Variants in CIPC observed in about 807,000 individuals in gnomAD.
CIPC encodes the protein CLOCK-interacting pacemaker.
In CIPC, 12 loss-of-function variants were observed where a neutral mutation model predicts 26.7. The ratio of observed to expected loss-of-function variants is 0.45; its 90% CI spans 0.29 to 0.73. CIPC has a LOEUF of 0.73. Among genes scored for constraint, CIPC ranks in the 30% least tolerant of loss-of-function variants. The probability of loss-of-function intolerance (pLI) is 0.12; values close to 1 mark genes in which losing one functional copy is unlikely to be tolerated. For missense variants in CIPC, 417 were observed against 486.5 expected (o/e 0.86, Z 1.34); for synonymous variants, 170 against 189.8 (o/e 0.90, Z 0.86).
rs1886775248 is a variant in CIPC at position 77,114,687 on chromosome 14, A to G, written c.*369A>G. 1 of 203,880 alleles carries G rather than the reference A, an allele frequency of 4.9e-6. No homozygotes were observed. The highest frequency in any genetic ancestry group is 5.2e-5 in the Admixed American group (1 of 19,242). 12.6% of individuals were successfully genotyped at this position (203,880 alleles called of 1,614,324 possible). A position where few individuals can be genotyped will look rare whatever the true frequency, so the allele number is the denominator to read the frequency against. On this transcript the variant is annotated 3_prime_UTR_variant, in exon 4 of 4. Transcript: ENST00000361786. ...CAAGGGTACAGTAACACGAATGAGCATACAGAGCAACACCTGTTGAGCCAG... is the reference window on the plus strand; with the variant it reads ...CAAGGGTACAGTAACACGAATGAGCGTACAGAGCAACACCTGTTGAGCCAG...
intron 2 of CIPC, among the ~76,000 whole-genome samples, chr14:77,106,594 A>T (rs191228142): frequency 6.6e-6 from 1 of 152,212 alleles, no homozygotes; most frequent in African/African-American, 2.4e-5. Flanking sequence ...ATGCTGAGGG[A>T]TTCTGGTCAA....
Position 77,105,765 on chromosome 14 carries a change from C to T in CIPC, c.57C>T (p.Gly19=), listed in dbSNP as rs1354756879. 5.0e-6 allele frequency: 8 copies of T among 1,614,034 alleles called. No individual in the cohort carries two copies. The highest frequency in any genetic ancestry group is 5.9e-6 in the Non-Finnish European group (7 of 1,180,002). The change falls in exon 2 of 4, where the codon GGC becomes GGT. Residue 19 remains glycine (G), a synonymous_variant. Coordinates refer to ENST00000361786, the MANE Select transcript of CIPC (RefSeq NM_033426.3). ...ESPRRLSAKV[G]KGTEMKKVAR... is the part of the protein sequence containing the mutation. Reference sequence around the variant, plus strand: ...CCAGAAGACTCTCTGCCAAAGTAGGCAAAGGCACAGAGATGAAGAAAGTGG... The same window carrying T: ...CCAGAAGACTCTCTGCCAAAGTAGGTAAAGGCACAGAGATGAAGAAAGTGG...
Position 77,115,979 on chromosome 14 carries a change from C to T in CIPC, c.*1661C>T, listed in dbSNP as rs1180633455. On this transcript the variant is annotated 3_prime_UTR_variant, in exon 4 of 4. Coordinates refer to ENST00000361786, the MANE Select transcript of CIPC (RefSeq NM_033426.3). ...GGGCTTACAGGCCTGAGCCACCACG[C>T]TCAGCTCAGCTTCACCCTGTCTGCA... The T allele has an allele frequency of 6.6e-6, 1 of 152,234 alleles. No homozygotes were observed. Among genetic ancestry groups the T allele is most frequent in the Non-Finnish European group, 1.5e-5 (1 of 68,066 alleles). 9.4% of individuals were successfully genotyped at this position (152,234 alleles called of 1,614,324 possible). A position where few individuals can be genotyped will look rare whatever the true frequency, so the allele number is the denominator to read the frequency against.
At position 77,103,140 on chromosome 14, in the gene CIPC, A is replaced by G. The variant is rs140024874; in HGVS notation, c.-52-2517A>G. On this transcript the variant is annotated intron_variant, in intron 1 of 3. Coordinates refer to ENST00000361786, the MANE Select transcript of CIPC (RefSeq NM_033426.3). ...GCCAGTCCCCTTAAATGAGTTAGAT[A>G]CGGGGCAAAATGATTTTTACTTGGA... Among the ~76,000 whole-genome samples, 796 of 152,356 alleles carry G rather than the reference A, an allele frequency of 5.2e-3. 1 individual carries two copies. Among genetic ancestry groups the G allele is most frequent in the Non-Finnish European group, 7.8e-3 (534 of 68,026 alleles).
In CIPC at chr14:77,113,741, T is replaced by A; in HGVS notation, c.623T>A (p.Val208Asp). The A allele has an allele frequency of 6.2e-7, 1 of 1,612,632 alleles. No individual in the cohort carries two copies. Residue 208 changes from valine (V) to aspartate (D), a missense_variant, in exon 4 of 4, where the codon GTC (valine) becomes GAC (aspartate). Coordinates refer to ENST00000361786, the MANE Select transcript of CIPC (RefSeq NM_033426.3). Reference protein sequence around the residue: ...SSSEPTKAGAVPSSPSTPAPP... With the variant: ...SSSEPTKAGADPSSPSTPAPP... Reference sequence around the variant, plus strand: ...AGTGAGCCAACCAAGGCTGGTGCTGTCCCATCCAGTCCCTCGACGCCAGCA... The same window carrying A: ...AGTGAGCCAACCAAGGCTGGTGCTGACCCATCCAGTCCCTCGACGCCAGCA...
intron 3 of CIPC, among the ~76,000 whole-genome samples, chr14:77,112,950 G>T (rs1401670125): frequency 6.6e-6 from 1 of 152,142 alleles, no homozygotes; most frequent in African/African-American, 2.4e-5. Context: ...GACCTCAGGT[G>T]ATCCACCTCC....
At chr14:77,102,906 C>T (rs1370212775) in intron 1 of CIPC, among the ~76,000 whole-genome samples, 6 of 152,192 alleles carry the variant, frequency 3.9e-5, no homozygotes, top group Admixed American at 3.9e-4. Context: ...ACAAAAGGAT[C>T]CAATTTAATT....
At chr14:77,100,240 CTTTTT>C (rs57785837) in intron 1 of CIPC, among the ~76,000 whole-genome samples, 11 of 130,506 alleles carry the variant, frequency 8.4e-5, no homozygotes, top group East Asian at 2.2e-4. Flanking sequence ...TTCTTTCTTT[CTTTTT>C]TTTTTTTTTT....
intron 1 of CIPC, among the ~76,000 whole-genome samples, chr14:77,103,076 G>C (rs1324417420): frequency 6.6e-6 from 1 of 152,218 alleles, no homozygotes; most frequent in East Asian, 1.9e-4. Context: ...CGTGTGACCT[G>C]TGGAAGAGTG....
intron 2 of CIPC, among the ~76,000 whole-genome samples, chr14:77,108,570 A>C (rs1305767844): frequency 1.3e-5 from 2 of 152,126 alleles, no homozygotes; most frequent in Non-Finnish European, 2.9e-5. Context: ...GCATTCCTGT[A>C]ATCCCAGCTG....
At chr14:77,108,682 ACT>A (rs1389107056) in intron 2 of CIPC, among the ~76,000 whole-genome samples, 1 of 151,020 alleles carries the variant, frequency 6.6e-6, no homozygotes, top group Non-Finnish European at 1.5e-5. Flanking sequence ...CAAGAGCGAA[ACT>A]CTGTCTCAAA....
At chr14:77,103,358 C>A (rs182635686) in intron 1 of CIPC, among the ~76,000 whole-genome samples, 1 of 152,218 alleles carries the variant, frequency 6.6e-6, no homozygotes, top group Non-Finnish European at 1.5e-5. Flanking sequence ...CCAGACTTGG[C>A]ACTCCAGGGT....
At chr14:77,101,408 A>G (rs1886481736) in intron 1 of CIPC, among the ~76,000 whole-genome samples, 1 of 152,208 alleles carries the variant, frequency 6.6e-6, no homozygotes, top group Admixed American at 6.5e-5. Context: ...TTTGCTGCTT[A>G]AGAGAACTTT....
chr14:77,099,451 A>G (rs1365079802), intron 1 of CIPC, among the ~76,000 whole-genome samples: 1 of 152,234 alleles, frequency 6.6e-6, no homozygotes, highest in African/African-American at 2.4e-5. Flanking sequence ...AGATACCCAG[A>G]CATTCTCCCA....
Position 77,114,275 on chromosome 14 carries a change from C to T in CIPC, c.1157C>T (p.Thr386Ile). Residue 386 changes from threonine to isoleucine, a missense_variant, in exon 4 of 4, where the codon ACA becomes ATA. Coordinates refer to ENST00000361786, the MANE Select transcript of CIPC (RefSeq NM_033426.3). ...TCTTTAACACCTGGGTCCAGTAATA[C>T]AGGCAGTGACCTAGAAGCATTCTCT... ...QASLTPGSSN[T>I]GSDLEAFSDH... 3 of 1,613,646 alleles carry T rather than the reference C, an allele frequency of 1.9e-6. No homozygotes were observed. The highest frequency in any genetic ancestry group is 1.7e-6 in the Non-Finnish European group (2 of 1,179,896).
rs55735817 is a variant in CIPC at position 77,107,658 on chromosome 14, A to ACTCT, written c.136+1821_136+1824dup. ...CACACACACACACACACACACACACACTCTCTCTCTGAATTATTTGAAAGT... is the reference window on the plus strand; with the variant it reads ...CACACACACACACACACACACACACACTCTCTCTCTCTCTGAATTATTTGAAAGT... On this transcript the variant is annotated intron_variant, in intron 2 of 3. Coordinates refer to ENST00000361786, the MANE Select transcript of CIPC (RefSeq NM_033426.3). Among the ~76,000 whole-genome samples, 79 of 145,260 alleles carry ACTCT rather than the reference A, an allele frequency of 5.4e-4. 4 individuals carry two copies. The South Asian group carries it at 0.016, about 29-fold the overall frequency.
At chr14:77,102,870 T>C (rs1036525584) in intron 1 of CIPC, among the ~76,000 whole-genome samples, 3 of 152,242 alleles carry the variant, frequency 2.0e-5, no homozygotes, top group Non-Finnish European at 4.4e-5. Flanking sequence ...AGGAAAATTA[T>C]ACTATGCACA....
chr14:77,109,719 A>G, intron 2 of CIPC, 93 bp from the exon 3 acceptor site: 4 of 1,152,666 alleles, frequency 3.5e-6, no homozygotes, highest in Non-Finnish European at 4.9e-6. Flanking sequence ...CAAGTGTTGC[A>G]TTCAATTTCA....
intron 2 of CIPC, among the ~76,000 whole-genome samples, chr14:77,107,971 A>G (rs1209316226): frequency 1.3e-5 from 2 of 151,992 alleles, no homozygotes; most frequent in East Asian, 3.9e-4. Flanking sequence ...CCACTCCCCT[A>G]TCTTTTCTTT....
Sources: gnomAD v4.1 joint callset for allele counts (sites outside exome capture counted in the v4.1 genomes callset) on GRCh38, gnomAD v4.1.1 for gene constraint, MANE v1.5 for transcripts, NCBI Gene and HGNC (gene_info 2026-07-23, HGNC 2026-07-21) for gene names.